RBMS3: variants seen among roughly 807,000 people sequenced by gnomAD.
RBMS3 encodes RNA binding motif single stranded interacting protein 3, also known as RNA-binding motif, single-stranded-interacting protein 3.
In RBMS3, 27 loss-of-function variants were observed where a neutral mutation model predicts 66.8. The observed-to-expected ratio is 0.40, with a 90% CI of 0.30 to 0.56. The LOEUF is 0.56. Ranked by LOEUF, RBMS3 falls within the 20% of genes least tolerant of loss-of-function variation. The probability of loss-of-function intolerance (pLI) is 0.40; values close to 1 mark genes in which losing one functional copy is unlikely to be tolerated. For missense variants in RBMS3, 513 were observed against 549.5 expected (o/e 0.93, Z 0.66); for synonymous variants, 188 against 183.0 (o/e 1.03, Z -0.22).
intron 6 of RBMS3, among the ~76,000 whole-genome samples, chr3:29,801,963 T>C (rs1576847605): frequency 6.6e-6 from 1 of 152,326 alleles, no homozygotes; most frequent in East Asian, 1.9e-4. Context: ...CTATCATATT[T>C]ATTGACTTTT....
intron 4 of RBMS3, among the ~76,000 whole-genome samples, chr3:29,646,179 C>G (rs2049912155): frequency 6.6e-6 from 1 of 152,180 alleles, no homozygotes; most frequent in African/African-American, 2.4e-5. Flanking sequence ...AGTTTACATG[C>G]TCAATAGTTA....
At chr3:29,348,180 A>T (rs141212662) in intron 1 of RBMS3, among the ~76,000 whole-genome samples, 1 of 152,134 alleles carries the variant, frequency 6.6e-6, no homozygotes, top group African/African-American at 2.4e-5. Flanking sequence ...GGGTCTCTTT[A>T]TCAATAAAGT....
chr3:29,523,115 A>G lies in RBMS3; in HGVS notation c.307+34616A>G, dbSNP rs553471213. On this transcript the variant is annotated intron_variant, in intron 3 of 14. Transcript: ENST00000383767. ...CTGAAGCACAGTAACATTTTCTTCA[A>G]TATCACACAGTTAGTAGCAAAACCT... Among the ~76,000 whole-genome samples the G allele has an allele frequency of 9.2e-5, 14 of 152,302 alleles. 1 individual carries two copies. The highest frequency in any genetic ancestry group is 3.1e-4 in the African/African-American group (13 of 41,564).
At chr3:29,983,395 G>A (rs190851298) in intron 12 of RBMS3, among the ~76,000 whole-genome samples, 1 of 152,034 alleles carries the variant, frequency 6.6e-6, no homozygotes, top group African/African-American at 2.4e-5. Flanking sequence ...CTTTTAATTG[G>A]GGCATTTAGC....
rs535093790 is a variant in RBMS3, at chr3:29,610,504, C to T, written c.399+23299C>T. Among the ~76,000 whole-genome samples, 16 of 152,132 alleles carry T rather than the reference C, an allele frequency of 1.1e-4. No homozygotes were observed. The South Asian group carries it at 3.1e-3, about 30-fold the overall frequency. On this transcript the variant is annotated intron_variant, in intron 4 of 14. Coordinates refer to ENST00000383767, the MANE Select transcript of RBMS3 (RefSeq NM_001003793.3). ...CACCCATATTCACTTATCGCCCCTT[C>T]TTTGAGCCTTCCTTGATCCTTTCTA...
chr3:29,796,384 C>G (rs2057187967), intron 6 of RBMS3, among the ~76,000 whole-genome samples: 1 of 152,138 alleles, frequency 6.6e-6, no homozygotes, highest in Non-Finnish European at 1.5e-5. Context: ...TTCCTCCAAA[C>G]TCCTGTTAAT....
intron 4 of RBMS3, among the ~76,000 whole-genome samples, chr3:29,628,584 G>A (rs1024121101): frequency 6.6e-6 from 1 of 151,924 alleles, no homozygotes; most frequent in African/African-American, 2.4e-5. Flanking sequence ...CTTCTTATAT[G>A]CATCATTATA....
At chr3:29,388,429 G>C (rs1006175057) in intron 1 of RBMS3, among the ~76,000 whole-genome samples, 1 of 152,114 alleles carries the variant, frequency 6.6e-6, no homozygotes, top group African/African-American at 2.4e-5. Flanking sequence ...AGATTTGACT[G>C]TTTATCTTTT....
intron 6 of RBMS3, among the ~76,000 whole-genome samples, chr3:29,786,593 A>T (rs951802294): frequency 3.3e-5 from 5 of 152,184 alleles, no homozygotes; most frequent in Non-Finnish European, 7.4e-5. Flanking sequence ...AAAATGGGGA[A>T]AGGCCACCCT....
chr3:29,826,590 G>T (rs897516760), intron 6 of RBMS3, among the ~76,000 whole-genome samples: 4 of 152,108 alleles, frequency 2.6e-5, no homozygotes, highest in African/African-American at 9.7e-5. Context: ...CAATTCCTTA[G>T]GTTAAAAGCC....
chr3:29,324,594 G>A (rs1017115479), intron 1 of RBMS3, among the ~76,000 whole-genome samples: 1 of 149,138 alleles, frequency 6.7e-6, no homozygotes, highest in African/African-American at 2.6e-5. Context: ...AACAGGAAGA[G>A]TCACTTCCTT....
rs140952553 is a variant in RBMS3 at position 29,967,515 on chromosome 3, T to C, written c.1099-20628T>C. On this transcript the variant is annotated intron_variant, in intron 12 of 14. Coordinates refer to ENST00000383767, the MANE Select transcript of RBMS3 (RefSeq NM_001003793.3). ...TTTCACCATGTTAGCCAGGATGGTC[T>C]TGATCTCCTGACCTCGTGATTTGCC... Among the ~76,000 whole-genome samples the C allele has an allele frequency of 3.7e-3, 557 of 152,274 alleles. 9 individuals are homozygous for C. The highest frequency in any genetic ancestry group is 0.013 in the African/African-American group (546 of 41,564).
At chr3:29,733,447 T>C (rs992810743) in intron 4 of RBMS3, among the ~76,000 whole-genome samples, 3 of 152,118 alleles carry the variant, frequency 2.0e-5, no homozygotes, top group African/African-American at 7.2e-5. Flanking sequence ...CTCATACTGT[T>C]TTCCATAATG....
At chr3:29,939,086 C>A (rs1452427629) in intron 11 of RBMS3, among the ~76,000 whole-genome samples, 1 of 151,990 alleles carries the variant, frequency 6.6e-6, no homozygotes, top group East Asian at 2.0e-4. Flanking sequence ...AAATCACTTA[C>A]CTGCACTATT....
intron 4 of RBMS3, among the ~76,000 whole-genome samples, chr3:29,661,553 C>A (rs971270441): frequency 6.6e-6 from 1 of 151,442 alleles, no homozygotes; most frequent in Non-Finnish European, 1.5e-5. Flanking sequence ...CTGTTAATAT[C>A]ATTTATTTTT....
intron 2 of RBMS3, among the ~76,000 whole-genome samples, chr3:29,453,577 T>A (rs2042081355): frequency 6.6e-6 from 1 of 152,186 alleles, no homozygotes; most frequent in African/African-American, 2.4e-5. Flanking sequence ...TCTTCCAGCC[T>A]CATGGTGGGC....
At chr3:29,382,892 T>A (rs547273641) in intron 1 of RBMS3, among the ~76,000 whole-genome samples, 29 of 152,318 alleles carry the variant, frequency 1.9e-4, no homozygotes, top group African/African-American at 5.5e-4. Flanking sequence ...ACATCTGGGT[T>A]GATTAATGAA....
rs201045728 is a variant in RBMS3, at chr3:29,747,377, G to T, written c.557+7500G>T. 9.8e-3 allele frequency among the ~76,000 whole-genome samples: 1,273 copies of T among 130,174 alleles called. 27 individuals carry two copies. The highest frequency in any genetic ancestry group is 0.043 in the Admixed American group (549 of 12,684). The allele number at this position is 130,174 out of a possible 152,430, so 85.4% of individuals were successfully genotyped here. The stretch of plus-strand genomic sequence containing the variant: ...ATCTATCTATCTATCTATCTATCTA[G>T]GTAGGTAGGTAGGTAGATAGATAGA... On this transcript the variant is annotated intron_variant, in intron 5 of 14. Coordinates refer to ENST00000383767, the MANE Select transcript of RBMS3 (RefSeq NM_001003793.3).
Position 29,384,435 on chromosome 3 carries a change from T to TAATAATAATAATAAGAAGAAGAAGAAG in RBMS3, c.76-50306_76-50305insTAATAATAATAAGAAGAAGAAGAAGAA, listed in dbSNP as rs776357215. On this transcript the variant is annotated intron_variant, in intron 1 of 14. Transcript: ENST00000383767. ...TATACACCAATAATAATAATAATAATAAGAAGAAGAAGAAGAAGAAGAAGA... is the reference window on the plus strand; with the variant it reads ...TATACACCAATAATAATAATAATAATAATAATAATAATAAGAAGAAGAAGAAGAAGAAGAAGAAGAAGAAGAAGAAGA... Among the ~76,000 whole-genome samples, 431 of 141,084 alleles carry TAATAATAATAATAAGAAGAAGAAGAAG rather than the reference T, an allele frequency of 3.1e-3. 2 individuals carry two copies. Among genetic ancestry groups the TAATAATAATAATAAGAAGAAGAAGAAG allele is most frequent in the Admixed American group, 5.8e-3 (81 of 14,034 alleles). 92.6% of individuals were successfully genotyped at this position (141,084 alleles called of 152,430 possible). A position where few individuals can be genotyped will look rare whatever the true frequency, so the allele number is the denominator to read the frequency against.
Sources: gnomAD v4.1 joint callset for allele counts (sites outside exome capture counted in the v4.1 genomes callset) on GRCh38, gnomAD v4.1.1 for gene constraint, MANE v1.5 for transcripts, NCBI Gene and HGNC (gene_info 2026-07-23, HGNC 2026-07-21) for gene names.